IARS1: variants seen among roughly 807,000 people sequenced by gnomAD.
IARS1 encodes the protein isoleucyl-tRNA synthetase 1.
Under a neutral mutation model 168.2 loss-of-function variants are expected in IARS1, and 124 were observed. The ratio of observed to expected loss-of-function variants is 0.74; its 90% CI spans 0.64 to 0.86. The LOEUF (loss-of-function observed/expected upper bound fraction) is 0.86, where lower values mean the gene tolerates loss of function less well. Ranked by LOEUF, IARS1 falls within the 40% of genes least tolerant of loss-of-function variation. The probability of loss-of-function intolerance (pLI) is 0.00; values close to 1 mark genes in which losing one functional copy is unlikely to be tolerated. For missense variants in IARS1, 1,452 were observed against 1,515.8 expected, an observed-to-expected ratio of 0.96 and a Z score of 0.70; for synonymous variants, 532 against 529.4, an observed-to-expected ratio of 1.00 and a Z score of -0.07.
intron 6 of IARS1, among the ~76,000 whole-genome samples, chr9:92,281,455 T>C (rs567207539): frequency 3.9e-5 from 6 of 152,220 alleles, no homozygotes; most frequent in Admixed American, 3.3e-4. Flanking sequence ...TTTAAAGTAA[T>C]GTCTAAGTAG....
Position 92,271,607 on chromosome 9 carries a change from G to A in IARS1, c.1039C>T (p.Leu347Phe), listed in dbSNP as rs759829840. 6.2e-6 allele frequency: 10 copies of A among 1,613,964 alleles called. No homozygotes were observed. In the East Asian group the frequency reaches 2.2e-4, roughly 36 times the overall value. The change falls in exon 11 of 34, where the codon CTC (leucine) becomes TTC (phenylalanine). Residue 347 changes from leucine (L) to phenylalanine (F), a missense_variant. Leu to Phe is a conservative substitution (Grantham distance 22, BLOSUM62 0). Coordinates refer to ENST00000443024, the MANE Select transcript of IARS1 (RefSeq NM_002161.6). ...MDFNIIRKDS[L>F]PVCPVDASGC... ...GAAGCATCCACAGGGCAAACAGGGAGTGAGTCTTTCCGAATAATGTTAAAG... is the reference window on the plus strand; with the variant it reads ...GAAGCATCCACAGGGCAAACAGGGAATGAGTCTTTCCGAATAATGTTAAAG...
chr9:92,258,717 T>C, intron 19 of IARS1, 137 bp downstream of exon 19: 2 of 838,294 alleles, frequency 2.4e-6, no homozygotes, highest in Non-Finnish European at 1.8e-6. Flanking sequence ...GGCCTCCCCA[T>C]GGCTCTAAGT....
intron 32 of IARS1, 61 bp from the exon 33 acceptor site, chr9:92,222,733 G>A: frequency 6.3e-7 from 1 of 1,580,474 alleles, no homozygotes; most frequent in Non-Finnish European, 8.6e-7. Context: ...CTCCAAAAGA[G>A]GTGGCCACTG....
intron 6 of IARS1, 81 bp downstream of exon 6, chr9:92,285,641 G>C: frequency 2.4e-6 from 2 of 819,106 alleles, no homozygotes; most frequent in Admixed American, 3.8e-5. Context: ...GGGTCTACTT[G>C]GGAATACCTA....
In IARS1 at chr9:92,274,327, C is replaced by T; in HGVS notation, c.990+99G>A. ...TGCAGGCAGTGAGCCAGAAAAGAGG[C>T]CAACCTGGTAACCCAACATGATGAG... On this transcript the variant is annotated intron_variant, in intron 10 of 33. Coordinates refer to ENST00000443024, the MANE Select transcript of IARS1 (RefSeq NM_002161.6). The T allele has an allele frequency of 6.8e-6, 6 of 876,246 alleles. No individual in the cohort carries two copies. The South Asian group carries it at 8.7e-5, about 13-fold the overall frequency. The allele number at this position is 876,246 out of a possible 1,614,324, so 54.3% of individuals were successfully genotyped here.
Position 92,271,000 on chromosome 9 carries a change from T to C in IARS1, c.1190A>G (p.Tyr397Cys). Reference protein sequence around the residue: ...LLVATTFTHSYPFCWRSDTPL... With the variant: ...LLVATTFTHSCPFCWRSDTPL... ...TTCTTCTGACCTCCAGCAAAAAGGG[T>C]AGCTGTGAGTGAAGGTGGTGGCAAC... The change falls in exon 12 of 34, where the codon TAC (tyrosine) becomes TGC (cysteine). Residue 397 changes from tyrosine to cysteine, a missense_variant. Tyr to Cys is a radical substitution (Grantham distance 194). Coordinates refer to ENST00000443024, the MANE Select transcript of IARS1 (RefSeq NM_002161.6). 1 of 1,611,428 alleles carries C rather than the reference T, an allele frequency of 6.2e-7. No individual in the cohort carries two copies.
chr9:92,233,344 A>G (rs1827007121), intron 30 of IARS1, among the ~76,000 whole-genome samples: 1 of 152,294 alleles, frequency 6.6e-6, no homozygotes, highest in Non-Finnish European at 1.5e-5. Context: ...ATATTTAACC[A>G]TGGCCATTTA....
intron 20 of IARS1, among the ~76,000 whole-genome samples, chr9:92,255,340 A>G (rs1280178408): frequency 6.6e-6 from 1 of 152,176 alleles, no homozygotes; most frequent in Non-Finnish European, 1.5e-5. Flanking sequence ...GGAACCGCAG[A>G]GCCCTGTGAG....
intron 4 of IARS1, 141 bp from the exon 5 acceptor site, chr9:92,286,759 A>G (rs1029587159): frequency 1.9e-6 from 1 of 525,744 alleles, no homozygotes; most frequent in Non-Finnish European, 3.4e-6. Context: ...CTATACTGCC[A>G]ACAACATATT....
intron 8 of IARS1, 45 bp from the exon 9 acceptor site, chr9:92,277,968 T>A (rs1227977152): frequency 6.4e-7 from 1 of 1,563,584 alleles, no homozygotes; most frequent in African/African-American, 1.4e-5. Context: ...TAAAATCAAA[T>A]ATGAGGCTGC....
chr9:92,284,800 C>A (rs144184767), intron 6 of IARS1, among the ~76,000 whole-genome samples: 93 of 152,140 alleles, frequency 6.1e-4, no homozygotes, highest in African/African-American at 2.2e-3. Flanking sequence ...CCAAATATAG[C>A]AATATATTAA....
intron 17 of IARS1, among the ~76,000 whole-genome samples, chr9:92,262,734 C>T (rs1831702236): frequency 6.6e-6 from 1 of 152,136 alleles, no homozygotes; most frequent in Non-Finnish European, 1.5e-5. Flanking sequence ...TTAGTAAATG[C>T]TATTTTATTA....
chr9:92,230,122 T>C (rs894681806), intron 30 of IARS1, among the ~76,000 whole-genome samples: 13 of 152,108 alleles, frequency 8.5e-5, no homozygotes, highest in East Asian at 1.9e-4. Context: ...CTTTTCTTTT[T>C]TTTTTTGAGA....
At position 92,268,225 on chromosome 9, in the gene IARS1, G is replaced by A. The variant is rs1832553543; in HGVS notation, c.1380C>T (p.Asn460=). The change falls in exon 14 of 34, where the codon AAC becomes AAT. Residue 460 remains asparagine, a synonymous_variant. Coordinates refer to ENST00000443024, the MANE Select transcript of IARS1 (RefSeq NM_002161.6). ...KDARDWTISR[N]RYWGTPIPLW... is the part of the protein sequence containing the mutation. ...GTGGGATGGGGGTGCCCCAGTATCT[G>A]TTTCTGGAAATTGTCCAGTCACGTG... 1 of 1,611,538 alleles carries A rather than the reference G, an allele frequency of 6.2e-7. No individual in the cohort carries two copies. The highest frequency in any genetic ancestry group is 8.5e-7 in the Non-Finnish European group (1 of 1,179,386).
chr9:92,263,802 C>A (rs986379807), intron 16 of IARS1, among the ~76,000 whole-genome samples: 2 of 152,208 alleles, frequency 1.3e-5, no homozygotes, highest in African/African-American at 4.8e-5. Flanking sequence ...CTGTTACCAG[C>A]TAACAGACTT....
rs767323953 is a variant in IARS1 at position 92,252,418 on chromosome 9, T to C, written c.2230-533A>G. The C allele has an allele frequency of 5.8e-6, 3 of 514,052 alleles. No homozygotes were observed. The Admixed American group carries it at 5.9e-5, about 10-fold the overall frequency. The allele number at this position is 514,052 out of a possible 1,614,324, so 31.8% of individuals were successfully genotyped here. On this transcript the variant is annotated intron_variant, in intron 21 of 33. Coordinates refer to ENST00000443024, the MANE Select transcript of IARS1 (RefSeq NM_002161.6). Reference sequence around the variant, plus strand: ...TCTAGATACGTGTGTGTGAGATACATCTGCACAAAAATGAAATTACAGTTG... The same window carrying C: ...TCTAGATACGTGTGTGTGAGATACACCTGCACAAAAATGAAATTACAGTTG...
At chr9:92,276,353 C>CTA (rs1833773397) in intron 9 of IARS1, among the ~76,000 whole-genome samples, 1 of 152,110 alleles carries the variant, frequency 6.6e-6, no homozygotes, top group Non-Finnish European at 1.5e-5. Context: ...AAGGATATGT[C>CTA]TAAAGTAATG....
At chr9:92,251,138 A>G (rs1385634680) in intron 22 of IARS1, 1 of 474,942 alleles carries the variant, frequency 2.1e-6, no homozygotes, top group South Asian at 1.5e-5. Context: ...ACTGTCCCAC[A>G]CCTCAGAAAC....
intron 14 of IARS1, among the ~76,000 whole-genome samples, chr9:92,265,975 A>C (rs1832236906): frequency 6.6e-6 from 1 of 152,140 alleles, no homozygotes. Flanking sequence ...ATTTAAAGGC[A>C]CATTAACACA....
Sources: gnomAD v4.1 joint callset for allele counts (sites outside exome capture counted in the v4.1 genomes callset) on GRCh38, gnomAD v4.1.1 for gene constraint, MANE v1.5 for transcripts, NCBI Gene and HGNC (gene_info 2026-07-23, HGNC 2026-07-21) for gene names.